The following NEK1 variants were observed in gnomAD, a reference collection of about 807,000 sequenced individuals.
NEK1 encodes serine/threonine-protein kinase Nek1.
A neutral mutation model predicts 182.1 loss-of-function variants in NEK1; 137 were observed. That is an observed-to-expected ratio of 0.75 (90% CI 0.65 to 0.87). The LOEUF (loss-of-function observed/expected upper bound fraction) is 0.87. Among genes scored for constraint, NEK1 ranks in the 40% least tolerant of loss-of-function variants. The pLI is 0.00. For synonymous variants in NEK1, 513 were observed against 492.2 expected, an observed-to-expected ratio of 1.04 and a Z score of -0.56; for missense variants, 1,391 against 1,494.4, an observed-to-expected ratio of 0.93 and a Z score of 1.14.
intron 27 of NEK1, among the ~76,000 whole-genome samples, chr4:169,462,672 A>T (rs2149499394): frequency 6.6e-6 from 1 of 152,138 alleles, no homozygotes; most frequent in East Asian, 1.9e-4. Context: ...TCCTGCCTAG[A>T]CACAACTTCT....
intron 27 of NEK1, among the ~76,000 whole-genome samples, chr4:169,451,300 C>G (rs1357705276): frequency 6.6e-6 from 1 of 152,224 alleles, no homozygotes; most frequent in East Asian, 1.9e-4. Flanking sequence ...TAGACATCTA[C>G]AGAACTCTCC....
intron 11 of NEK1, among the ~76,000 whole-genome samples, chr4:169,580,365 G>A (rs1360917113): frequency 1.3e-5 from 2 of 151,750 alleles, no homozygotes; most frequent in Non-Finnish European, 2.9e-5. Context: ...GGGCTTGGTG[G>A]TGGATGCCGG....
At chr4:169,535,657 T>C (rs1035901028) in intron 19 of NEK1, among the ~76,000 whole-genome samples, 3 of 151,536 alleles carry the variant, frequency 2.0e-5, no homozygotes, top group African/African-American at 7.3e-5. Flanking sequence ...GGCAGATGGA[T>C]CATCTGAGGT....
At chr4:169,442,467 C>T (rs939324191) in intron 27 of NEK1, among the ~76,000 whole-genome samples, 22 of 151,918 alleles carry the variant, frequency 1.4e-4, no homozygotes, top group South Asian at 2.1e-4. Flanking sequence ...AAAGTCAATC[C>T]GTAAAATCGG....
intron 19 of NEK1, among the ~76,000 whole-genome samples, chr4:169,534,376 T>C (rs1258148164): frequency 6.6e-6 from 1 of 152,118 alleles, no homozygotes; most frequent in Non-Finnish European, 1.5e-5. Context: ...CAAACAGAGC[T>C]TGGCAGTCCC....
At chr4:169,447,200 G>A (rs1287498555) in intron 27 of NEK1, among the ~76,000 whole-genome samples, 2 of 152,180 alleles carry the variant, frequency 1.3e-5, no homozygotes, top group African/African-American at 4.8e-5. Context: ...AGCAGACTTT[G>A]TGTCTGGCAG....
At chr4:169,580,032 TCACA>T (rs1766352008) in intron 11 of NEK1, among the ~76,000 whole-genome samples, 1 of 152,166 alleles carries the variant, frequency 6.6e-6, no homozygotes, top group African/African-American at 2.4e-5. Context: ...AATTTCCCTC[TCACA>T]TAGATACATC....
At chr4:169,555,467 C>T (rs1762030091) in intron 18 of NEK1, 2 of 427,928 alleles carry the variant, frequency 4.7e-6, no homozygotes, top group Non-Finnish European at 8.6e-6. Context: ...AATGTTATCA[C>T]ATGTTCCTTT....
rs577353861 is a variant in NEK1 at position 169,450,109 on chromosome 4, CGAGAA to C, written c.2588-11855_2588-11851del. Among the ~76,000 whole-genome samples, 152 of 151,924 alleles carry C rather than the reference CGAGAA, an allele frequency of 1.0e-3. 1 individual carries two copies. Among genetic ancestry groups the C allele is most frequent in the African/African-American group, 3.4e-3 (142 of 41,414 alleles). On this transcript the variant is annotated intron_variant, in intron 27 of 35. Coordinates refer to ENST00000507142, the MANE Select transcript of NEK1 (RefSeq NM_001199397.3). ...TGAAGATCAAATGAATGAAATAAAG[CGAGAA>C]GAGAAGTTTAGAGAAAAAAGAGTAA...
intron 23 of NEK1, among the ~76,000 whole-genome samples, chr4:169,492,131 T>C (rs1480655770): frequency 6.6e-6 from 1 of 152,168 alleles, no homozygotes; most frequent in African/African-American, 2.4e-5. Flanking sequence ...AATGCAGTAG[T>C]ACGTGCTTAC....
chr4:169,413,230 T>C lies in NEK1; in HGVS notation c.3223-6483A>G, dbSNP rs1052713782. Among the ~76,000 whole-genome samples the C allele has an allele frequency of 5.9e-5, 9 of 151,812 alleles. 1 individual carries two copies. The highest frequency in any genetic ancestry group is 5.3e-4 in the Admixed American group (8 of 15,206). The stretch of plus-strand genomic sequence containing the variant: ...TCATCCAGGCTGGAGCGTGACGGCA[T>C]GAACACGGCTTACTGCAGCCTTGAC... On this transcript the variant is annotated intron_variant, in intron 31 of 35. Coordinates refer to ENST00000507142, the MANE Select transcript of NEK1 (RefSeq NM_001199397.3).
rs561493617 is a variant in NEK1, at chr4:169,514,814, TTACTC to T, written c.1666-5967_1666-5963del. ...AGAGTCAGTTTTTTGTTTCATTACA[TTACTC>T]TATAGTATTACTGGTCTCAATTTTA... On this transcript the variant is annotated intron_variant, in intron 19 of 35. Transcript: ENST00000507142. Among the ~76,000 whole-genome samples the T allele has an allele frequency of 4.9e-3, 741 of 152,300 alleles. 7 individuals are homozygous for T. Among genetic ancestry groups the T allele is most frequent in the Admixed American group, 7.7e-3 (118 of 15,304 alleles).
chr4:169,565,286 T>G (rs1208017539), intron 12 of NEK1, among the ~76,000 whole-genome samples: 1 of 152,210 alleles, frequency 6.6e-6, no homozygotes, highest in African/African-American at 2.4e-5. Flanking sequence ...TCATAAAATA[T>G]CTTCACTATA....
intron 28 of NEK1, among the ~76,000 whole-genome samples, chr4:169,437,147 T>C (rs906981453): frequency 2.0e-5 from 3 of 152,188 alleles, no homozygotes; most frequent in Non-Finnish European, 4.4e-5. Flanking sequence ...CTGCTTCCCA[T>C]CTTCCTTGTT....
In NEK1 at chr4:169,585,331, A is replaced by G. The variant is rs571426626; in HGVS notation, c.807+18T>C. ...CAACATAACCCTACTGTTTAATTTT[A>G]AAGGAAAAAGAACTTACCTGAGGAG... On this transcript the variant is annotated intron_variant, in intron 10 of 35. Coordinates refer to ENST00000507142, the MANE Select transcript of NEK1 (RefSeq NM_001199397.3). 1.7e-4 allele frequency: 269 copies of G among 1,599,322 alleles called. 2 individuals are homozygous for G. The South Asian group carries it at 2.8e-3, about 16-fold the overall frequency.
intron 2 of NEK1, among the ~76,000 whole-genome samples, chr4:169,611,302 TAC>T (rs1190731999): frequency 1.3e-5 from 2 of 152,200 alleles, no homozygotes; most frequent in African/African-American, 4.8e-5. Context: ...ATAGGCTCCT[TAC>T]ATTTCACCTA....
Position 169,463,325 on chromosome 4 carries a change from C to T in NEK1, c.2505G>A (p.Pro835=), listed in dbSNP as rs752125667. The change falls in exon 27 of 36, where the codon CCG becomes CCA. Residue 835 remains proline, a synonymous_variant. Coordinates refer to ENST00000507142, the MANE Select transcript of NEK1 (RefSeq NM_001199397.3). Reference sequence around the variant, plus strand: ...CAAGTATCTTTAGAACAGAATCTGTCGGACTTTTCCCCCAGGCTCTTCTTG... The same window carrying T: ...CAAGTATCTTTAGAACAGAATCTGTTGGACTTTTCCCCCAGGCTCTTCTTG... The part of the protein sequence containing the change: ...GSPRRAWGKS[P]TDSVLKILGE... The T allele has an allele frequency of 5.6e-6, 9 of 1,609,900 alleles. No homozygotes were observed. The Admixed American group carries it at 6.7e-5, about 12-fold the overall frequency.
intron 23 of NEK1, among the ~76,000 whole-genome samples, chr4:169,482,638 C>CT (rs374862691): frequency 4.1e-4 from 59 of 144,350 alleles, no homozygotes; most frequent in African/African-American, 1.1e-3. Context: ...TGGAGTAGAA[C>CT]TTTTTTTTTT....
chr4:169,508,112 GT>G (rs1561318093), intron 21 of NEK1, 135 bp downstream of exon 21: 1 of 742,572 alleles, frequency 1.3e-6, no homozygotes, highest in Non-Finnish European at 2.1e-6. Flanking sequence ...TTTATGTGTA[GT>G]TTTTTGATCT....
Sources: gnomAD v4.1 joint callset for allele counts (sites outside exome capture counted in the v4.1 genomes callset) on GRCh38, gnomAD v4.1.1 for gene constraint, MANE v1.5 for transcripts, NCBI Gene and HGNC (gene_info 2026-07-23, HGNC 2026-07-21) for gene names.